The following SLC4A4 variants were observed in gnomAD, a reference collection of about 807,000 sequenced individuals.
SLC4A4 encodes electrogenic sodium bicarbonate cotransporter 1.
Under a neutral mutation model 111.5 loss-of-function variants are expected in SLC4A4, and 27 were observed. That is an observed-to-expected ratio of 0.24 (90% CI 0.18 to 0.33). The LOEUF is 0.33. Among genes scored for constraint, SLC4A4 ranks in the 10% least tolerant of loss-of-function variants. The pLI is 1.00. For synonymous variants in SLC4A4, 443 were observed against 463.4 expected (o/e 0.96, Z 0.57); for missense variants, 909 against 1,315.5 (o/e 0.69, Z 4.78).
rs1242482902 is a variant in SLC4A4, at chr4:71,532,130, A to G, written c.2235A>G (p.Leu745=). 3 of 1,612,914 alleles carry G rather than the reference A, an allele frequency of 1.9e-6. No homozygotes were observed. Among genetic ancestry groups the G allele is most frequent in the Non-Finnish European group, 2.5e-6 (3 of 1,179,210 alleles). ...SILIFCVIDA[L]VGVDTPKLIV... ...TCATCTTTTGTGTAATAGATGCCCT[A>G]GTAGGCGTGGACACCCCAAAACTAA... The change falls in exon 17 of 26, where the codon CTA becomes CTG. Residue 745 remains leucine (L), a synonymous_variant. Transcript: ENST00000264485.
intron 12 of SLC4A4, among the ~76,000 whole-genome samples, chr4:71,459,541 C>A (rs114745604): frequency 2.6e-5 from 4 of 151,978 alleles, no homozygotes; most frequent in African/African-American, 9.7e-5. Flanking sequence ...TTTTTAATGA[C>A]CACATATATT....
intron 3 of SLC4A4, among the ~76,000 whole-genome samples, chr4:71,283,049 A>G (rs2149093843): frequency 6.6e-6 from 1 of 152,266 alleles, no homozygotes; most frequent in African/African-American, 2.4e-5. Flanking sequence ...TTTATTATGA[A>G]AATACCTGCC....
At chr4:71,360,402 G>A (rs1375659007) in intron 6 of SLC4A4, among the ~76,000 whole-genome samples, 1 of 152,000 alleles carries the variant, frequency 6.6e-6, no homozygotes, top group Non-Finnish European at 1.5e-5. Context: ...TGCTAATAAT[G>A]TAGATTACAT....
intron 12 of SLC4A4, among the ~76,000 whole-genome samples, chr4:71,456,150 G>A (rs1320047446): frequency 6.6e-6 from 1 of 152,144 alleles, no homozygotes; most frequent in Admixed American, 6.5e-5. Flanking sequence ...TTTATTAATA[G>A]ATTTTTTAAC....
chr4:71,371,970 G>T (rs1300518124), intron 6 of SLC4A4, among the ~76,000 whole-genome samples: 1 of 152,194 alleles, frequency 6.6e-6, no homozygotes, highest in Non-Finnish European at 1.5e-5. Flanking sequence ...TGGTTTACTT[G>T]TAAAAACTAT....
At chr4:71,560,723 T>C (rs1736909011) in intron 23 of SLC4A4, among the ~76,000 whole-genome samples, 1 of 151,854 alleles carries the variant, frequency 6.6e-6, no homozygotes. Context: ...CAAAGTTCTA[T>C]GCTGTTATAT....
At chr4:71,259,607 A>C (rs963501165) in intron 3 of SLC4A4, among the ~76,000 whole-genome samples, 8 of 152,142 alleles carry the variant, frequency 5.3e-5, no homozygotes, top group Admixed American at 5.2e-4. Flanking sequence ...GCTCTTTCTT[A>C]AAAATAATCC....
At chr4:71,451,512 A>G (rs1338868340) in intron 11 of SLC4A4, among the ~76,000 whole-genome samples, 1 of 152,228 alleles carries the variant, frequency 6.6e-6, no homozygotes. Flanking sequence ...GACAAGACAT[A>G]AACAGTAAGT....
rs752935590 is a variant in SLC4A4 at position 71,451,280 on chromosome 4, A to T, written c.1301A>T (p.Glu434Val). 6.2e-7 allele frequency: 1 copy of T among 1,611,822 alleles called. No individual in the cohort carries two copies. Among genetic ancestry groups the T allele is most frequent in the Non-Finnish European group, 8.5e-7 (1 of 1,177,958 alleles). Residue 434 changes from glutamate (E) to valine (V), a missense_variant, in exon 11 of 26, where the codon GAA becomes GTA. By Grantham distance (121) the Glu-to-Val change is moderately radical (BLOSUM62 -2). This residue lies in a region of SLC4A4 where 312 missense variants were observed against 402.0 expected (regional missense o/e 0.78). Transcript: ENST00000264485. ...GGAGGAGGAGGACATGGGGATTGTGAAGAATTGCAGCGAACTGGACGGTAA... is the reference window on the plus strand; with the variant it reads ...GGAGGAGGAGGACATGGGGATTGTGTAGAATTGCAGCGAACTGGACGGTAA... ...GHGGGGHGDC[E>V]ELQRTGRFCG...
At chr4:71,520,760 A>G (rs1209481022) in intron 16 of SLC4A4, among the ~76,000 whole-genome samples, 2 of 152,144 alleles carry the variant, frequency 1.3e-5, no homozygotes, top group African/African-American at 4.8e-5. Flanking sequence ...ATGATTCACA[A>G]TTGTCATACA....
intron 16 of SLC4A4, among the ~76,000 whole-genome samples, chr4:71,528,507 C>G (rs960222459): frequency 6.6e-6 from 1 of 151,816 alleles, no homozygotes; most frequent in African/African-American, 2.4e-5. Context: ...TTGAATAGAG[C>G]GAAAATTGGA....
chr4:71,544,880 T>G (rs568011552), intron 18 of SLC4A4, among the ~76,000 whole-genome samples: 138 of 152,162 alleles, frequency 9.1e-4, no homozygotes, highest in South Asian at 3.7e-3. Flanking sequence ...AGATTTTTTT[T>G]GTCTGTTTTA....
intron 7 of SLC4A4, among the ~76,000 whole-genome samples, chr4:71,412,721 G>A (rs757391892): frequency 8.5e-5 from 13 of 152,148 alleles, no homozygotes; most frequent in African/African-American, 2.2e-4. Flanking sequence ...AATGGAGTAT[G>A]AATTTTGTCA....
rs370113199 is a variant in SLC4A4 at position 71,169,458 on chromosome 4, C to T, written c.-1-67118C>T. 2.0e-4 allele frequency among the ~76,000 whole-genome samples: 30 copies of T among 152,214 alleles called. 1 individual carries two copies. Among genetic ancestry groups the T allele is most frequent in the African/African-American group, 7.0e-4 (29 of 41,530 alleles). ...GCATTTCTCTGATGATCGATGATGT[C>T]GAGCACCTTTTCATATACCTGTTTG... On this transcript the variant is annotated intron_variant, in intron 2 of 26. Transcript: ENST00000649996.
Position 71,209,153 on chromosome 4 carries a change from TC to T in SLC4A4, c.-2+21758del, listed in dbSNP as rs1254449275. On this transcript the variant is annotated intron_variant, in intron 1 of 25. Coordinates refer to ENST00000264485, the MANE Select transcript of SLC4A4 (RefSeq NM_001098484.3). ...TTATATGACAAGGGCACATATTTTT[TC>T]CCCCCATGCTCAATATAATATGCAA... Among the ~76,000 whole-genome samples, 5 of 152,138 alleles carry T rather than the reference TC, an allele frequency of 3.3e-5. No homozygotes were observed. The East Asian group carries it at 7.7e-4, about 23-fold the overall frequency.
At chr4:71,204,777 C>G (rs146100615) in intron 1 of SLC4A4, among the ~76,000 whole-genome samples, 1 of 151,932 alleles carries the variant, frequency 6.6e-6, no homozygotes, top group Non-Finnish European at 1.5e-5. Context: ...AACCTTGGAG[C>G]CTGAGGAATA....
rs555887720 is a variant in SLC4A4, at chr4:71,246,055, T to C, written c.74-9165T>C. 2.0e-5 allele frequency among the ~76,000 whole-genome samples: 3 copies of C among 152,282 alleles called. No homozygotes were observed. The South Asian group carries it at 6.2e-4, about 32-fold the overall frequency. On this transcript the variant is annotated intron_variant, in intron 2 of 25. Coordinates refer to ENST00000264485, the MANE Select transcript of SLC4A4 (RefSeq NM_001098484.3). Reference sequence around the variant, plus strand: ...TAACAATGTGGGTGTCATGGTTAGTTGGGAATAAGAGTGCCCAAGAGAAAA... The same window carrying C: ...TAACAATGTGGGTGTCATGGTTAGTCGGGAATAAGAGTGCCCAAGAGAAAA...
At chr4:71,523,041 C>CA (rs1733097717) in intron 16 of SLC4A4, among the ~76,000 whole-genome samples, 1 of 152,158 alleles carries the variant, frequency 6.6e-6, no homozygotes. Context: ...AGGTTATAAA[C>CA]AGCCCTTTAC....
upstream of SLC4A4, among the ~76,000 whole-genome samples, chr4:71,182,714 TCA>T (rs77414889): frequency 0.095 from 13,893 of 145,874 alleles, 1,289 homozygotes; most frequent in African/African-American, 0.25. Context: ...TATGTACATT[TCA>T]CACACACACA....
Sources: gnomAD v4.1 joint callset for allele counts (sites outside exome capture counted in the v4.1 genomes callset) on GRCh38, gnomAD v4.1.1 for gene constraint, gnomAD v4.1.1 regional missense constraint, MANE v1.5 for transcripts, NCBI Gene and HGNC (gene_info 2026-07-23, HGNC 2026-07-21) for gene names.